The following NAALADL2 variants were observed in gnomAD, a reference collection of about 807,000 sequenced individuals.
The protein encoded by NAALADL2 is N-acetylated alpha-linked acidic dipeptidase like 2, also known as inactive N-acetylated-alpha-linked acidic dipeptidase-like protein 2.
Under a neutral mutation model 87.2 loss-of-function variants are expected in NAALADL2, and 76 were observed. The observed-to-expected ratio is 0.87, with a 90% CI of 0.72 to 1.05. The LOEUF (loss-of-function observed/expected upper bound fraction) is 1.05. NAALADL2 is among the 50% of genes least tolerant of loss of function. The probability of loss-of-function intolerance (pLI) is 0.00; values close to 1 mark genes in which losing one functional copy is unlikely to be tolerated. For synonymous variants in NAALADL2, 354 were observed against 331.0 expected (o/e 1.07, Z -0.75); for missense variants, 1,089 against 945.8 (o/e 1.15, Z -1.99).
chr3:174,624,185 TG>T (rs1721321081), intron 2 of NAALADL2, among the ~76,000 whole-genome samples: 2 of 103,516 alleles, frequency 1.9e-5, no homozygotes, highest in Admixed American at 1.7e-4. Context: ...GCTTATACAC[TG>T]AAAAAAAATG....
chr3:174,918,076 A>G (rs982423121), intron 1 of NAALADL2, among the ~76,000 whole-genome samples: 5 of 152,184 alleles, frequency 3.3e-5, no homozygotes, highest in African/African-American at 1.2e-4. Context: ...AATAATTTTT[A>G]CTATGTAGCA....
chr3:175,755,503 C>T (rs1245641760), intron 13 of NAALADL2, 85 bp downstream of exon 13: 3 of 995,556 alleles, frequency 3.0e-6, no homozygotes, highest in South Asian at 1.9e-5. Context: ...CTTCTATGAA[C>T]ATAACAGTAG....
rs901642163 is a variant in NAALADL2, at chr3:175,109,477, G to A, written c.545+12186G>A. Among the ~76,000 whole-genome samples, 6 of 151,604 alleles carry A rather than the reference G, an allele frequency of 4.0e-5. No individual in the cohort carries two copies. In the South Asian group the frequency reaches 1.2e-3, roughly 32 times the overall value. On this transcript the variant is annotated intron_variant, in intron 2 of 13. Transcript: ENST00000454872. ...CCCATTGGCCACACCTAGACAATAG[G>A]AACATACTTGTTTATATAAACAAAA...
chr3:175,011,180 C>G (rs1430236520), intron 1 of NAALADL2, among the ~76,000 whole-genome samples: 1 of 151,514 alleles, frequency 6.6e-6, no homozygotes, highest in South Asian at 2.1e-4. Flanking sequence ...TTCTCTTGGC[C>G]ATAGTTGAGG....
At chr3:174,843,442 G>A (rs929129813) in intron 3 of NAALADL2, among the ~76,000 whole-genome samples, 16 of 151,806 alleles carry the variant, frequency 1.1e-4, no homozygotes, top group African/African-American at 3.6e-4. Flanking sequence ...TTCATCCATT[G>A]TTTGACACGT....
At chr3:175,324,908 A>T (rs1334997845) in intron 5 of NAALADL2, among the ~76,000 whole-genome samples, 1 of 152,200 alleles carries the variant, frequency 6.6e-6, no homozygotes, top group East Asian at 1.9e-4. Context: ...AGCTCTGTTC[A>T]TGATAGTAGG....
At chr3:174,644,163 A>G (rs1457591083) in intron 2 of NAALADL2, among the ~76,000 whole-genome samples, 1 of 152,222 alleles carries the variant, frequency 6.6e-6, no homozygotes, top group Non-Finnish European at 1.5e-5. Context: ...TATGGGTTAG[A>G]CAAAGATAAA....
At chr3:175,361,747 T>A (rs200702290) in intron 5 of NAALADL2, among the ~76,000 whole-genome samples, 10 of 148,374 alleles carry the variant, frequency 6.7e-5, no homozygotes, top group African/African-American at 9.8e-5. Context: ...GTTTGAGTTC[T>A]TTGTAGATTC....
In NAALADL2 at chr3:175,424,435, A is replaced by G. The variant is rs542176554; in HGVS notation, c.1091-22794A>G. On this transcript the variant is annotated intron_variant, in intron 5 of 13. Transcript: ENST00000454872. ...TAATCCATCTTGAATTAATTTTTGT[A>G]TAAGGTGTAAGGAAGGGATCCAGTT... is the stretch of plus-strand genomic sequence containing the variant. 9.2e-5 allele frequency among the ~76,000 whole-genome samples: 14 copies of G among 152,274 alleles called. No homozygotes were observed. In the South Asian group the frequency reaches 2.7e-3, roughly 29 times the overall value.
chr3:174,538,434 G>A (rs1017322876), intron 1 of NAALADL2, among the ~76,000 whole-genome samples: 2 of 152,074 alleles, frequency 1.3e-5, no homozygotes, highest in Non-Finnish European at 2.9e-5. Context: ...ACTCTTTGTA[G>A]CAATAAGATA....
chr3:175,049,626 A>G (rs1755115513), intron 1 of NAALADL2, among the ~76,000 whole-genome samples: 2 of 152,190 alleles, frequency 1.3e-5, no homozygotes, highest in South Asian at 4.1e-4. Context: ...CATTCCAGGT[A>G]AGGGGAAAAG....
chr3:174,590,055 C>A (rs141278066), intron 2 of NAALADL2, among the ~76,000 whole-genome samples: 1 of 152,048 alleles, frequency 6.6e-6, no homozygotes, highest in African/African-American at 2.4e-5. Flanking sequence ...AAGCAGAATT[C>A]TTTTTTTAGA....
At chr3:174,954,618 A>C (rs550679938) in intron 1 of NAALADL2, among the ~76,000 whole-genome samples, 1 of 152,136 alleles carries the variant, frequency 6.6e-6, no homozygotes, top group South Asian at 2.1e-4. Context: ...TTTTGGTGCA[A>C]TGGGATATAA....
At chr3:175,389,413 A>C (rs556819304) in intron 5 of NAALADL2, among the ~76,000 whole-genome samples, 2 of 152,302 alleles carry the variant, frequency 1.3e-5, no homozygotes, top group South Asian at 2.1e-4. Flanking sequence ...CTGGCTTTAT[A>C]AGTTAAGTGT....
chr3:174,966,873 GA>G (rs1742952386), intron 1 of NAALADL2, among the ~76,000 whole-genome samples: 1 of 152,020 alleles, frequency 6.6e-6, no homozygotes, highest in Non-Finnish European at 1.5e-5. Flanking sequence ...TGAATCCCTG[GA>G]AAAAACTTTC....
intron 1 of NAALADL2, among the ~76,000 whole-genome samples, chr3:174,872,609 G>A (rs909835483): frequency 2.0e-5 from 3 of 152,096 alleles, no homozygotes; most frequent in African/African-American, 7.2e-5. Context: ...TATAGTGTTA[G>A]TAACTGCTGA....
rs1344112752 is a variant in NAALADL2 at position 175,294,144 on chromosome 3, T to A, written c.940-30031T>A. Among the ~76,000 whole-genome samples, 3 of 152,142 alleles carry A rather than the reference T, an allele frequency of 2.0e-5. No individual in the cohort carries two copies. The East Asian group carries it at 5.8e-4, about 29-fold the overall frequency. ...ATTCTGCAGAAGTTCTCTGAAAGCCTAGAATATAGCCAGTAAAGCAGAAGC... is the reference window on the plus strand; with the variant it reads ...ATTCTGCAGAAGTTCTCTGAAAGCCAAGAATATAGCCAGTAAAGCAGAAGC... On this transcript the variant is annotated intron_variant, in intron 4 of 13. Transcript: ENST00000454872.
chr3:175,151,292 C>T (rs550294309), intron 2 of NAALADL2, among the ~76,000 whole-genome samples: 58 of 152,264 alleles, frequency 3.8e-4, no homozygotes, highest in Admixed American at 3.7e-3. Flanking sequence ...TTGTCAAGTT[C>T]TTATTCACAG....
chr3:174,778,958 T>C (rs556078463), intron 3 of NAALADL2, among the ~76,000 whole-genome samples: 26 of 152,324 alleles, frequency 1.7e-4, no homozygotes, highest in Admixed American at 4.6e-4. Context: ...TGTGTCTTTA[T>C]AGTAGAATGA....
Sources: gnomAD v4.1 joint callset for allele counts (sites outside exome capture counted in the v4.1 genomes callset) on GRCh38, gnomAD v4.1.1 for gene constraint, MANE v1.5 for transcripts, NCBI Gene and HGNC (gene_info 2026-07-23, HGNC 2026-07-21) for gene names.